Variants in DDR2 observed in about 807,000 individuals in gnomAD.
The protein encoded by DDR2 is discoidin domain receptor tyrosine kinase 2, also known as discoidin domain-containing receptor 2.
DDR2 carries 27 observed loss-of-function variants against 94.9 expected under a neutral mutation model. The observed-to-expected ratio is 0.28, with a 90% CI of 0.21 to 0.39. DDR2 has a LOEUF of 0.39. Ranked by LOEUF, DDR2 falls within the 10% of genes least tolerant of loss-of-function variation. The pLI is 1.00. For missense variants in DDR2, 783 were observed against 1,076.0 expected, an observed-to-expected ratio of 0.73 and a Z score of 3.81; for synonymous variants, 382 against 377.2, an observed-to-expected ratio of 1.01 and a Z score of -0.15.
At chr1:162,647,613 T>C (rs1207221960) in intron 1 of DDR2, among the ~76,000 whole-genome samples, 1 of 152,176 alleles carries the variant, frequency 6.6e-6, no homozygotes. Flanking sequence ...AATTCGTGAG[T>C]TTTCTGGAAA....
At position 162,702,223 on chromosome 1, in the gene DDR2, G is replaced by A. The variant is rs150903771; in HGVS notation, c.-27-16814G>A. Among the ~76,000 whole-genome samples, 1,300 of 151,964 alleles carry A rather than the reference G, an allele frequency of 8.6e-3. 16 individuals are homozygous for A. The highest frequency in any genetic ancestry group is 0.029 in the African/African-American group (1,189 of 41,442). The stretch of plus-strand genomic sequence containing the variant: ...TGAATCATATTTTTCATCTTTGTTC[G>A]TTGCAATTATTGTCACTCTGTCTTC... On this transcript the variant is annotated intron_variant, in intron 2 of 17. Transcript: ENST00000367921.
Position 162,767,271 on chromosome 1 carries a change from T to C in DDR2, c.1205T>C (p.Ile402Thr), listed in dbSNP as rs753126978. 3.7e-6 allele frequency: 6 copies of C among 1,614,164 alleles called. No homozygotes were observed. Among genetic ancestry groups the C allele is most frequent in the African/African-American group, 2.7e-5 (2 of 75,034 alleles). The change falls in exon 11 of 18, where the codon ATT becomes ACT. Residue 402 changes from isoleucine (I) to threonine (T), a missense_variant. This residue lies in a region of DDR2 where 519 missense variants were observed against 647.9 expected (regional missense o/e 0.80). Transcript: ENST00000367921. The part of the protein sequence containing the change: ...KVDDSNTRIL[I>T]GCLVAIIFIL... ...GATGACAGCAACACTCGGATCCTGA[T>C]TGGCTGCTTGGTGGCCATCATCTTT...
intron 1 of DDR2, among the ~76,000 whole-genome samples, chr1:162,640,525 A>C (rs930017073): frequency 2.6e-5 from 4 of 152,210 alleles, no homozygotes; most frequent in African/African-American, 9.7e-5. Context: ...TGCTTTAAAA[A>C]GAATTAAAGT....
At chr1:162,716,235 T>C (rs1345889927) in intron 2 of DDR2, among the ~76,000 whole-genome samples, 2 of 152,132 alleles carry the variant, frequency 1.3e-5, no homozygotes, top group Admixed American at 6.6e-5. Flanking sequence ...TTACGGCCAG[T>C]AACCCATGAG....
At chr1:162,755,109 G>T in intron 5 of DDR2, 47 bp from the exon 6 acceptor site, 1 of 1,613,126 alleles carries the variant, frequency 6.2e-7, no homozygotes, top group African/African-American at 1.3e-5. Context: ...AGAAAAGTGA[G>T]CATGATTTAA....
At chr1:162,700,006 TAAGCATCTGCAACTCTGTTTTCAAACA>T (rs1660360167) in intron 2 of DDR2, among the ~76,000 whole-genome samples, 1 of 152,212 alleles carries the variant, frequency 6.6e-6, no homozygotes, top group South Asian at 2.1e-4. Flanking sequence ...ACTATAATCA[TAAGCATCTGCAACTCTGTTTTCAAACA>T]AAGCATCTGC....
At chr1:162,731,053 T>G (rs555177780) in intron 3 of DDR2, among the ~76,000 whole-genome samples, 1 of 152,334 alleles carries the variant, frequency 6.6e-6, no homozygotes, top group South Asian at 2.1e-4. Context: ...TGCATTCTCA[T>G]TGCCTCAGAA....
chr1:162,673,600 TGTGTGTGTGAGAGAGAGAGAGA>T (rs1558018933), intron 2 of DDR2, among the ~76,000 whole-genome samples: 28 of 131,810 alleles, frequency 2.1e-4, no homozygotes, highest in African/African-American at 4.5e-4. Flanking sequence ...TGTGTATGTG[TGTGTGTGTGAGAGAGAGAGAGA>T]GAGAGAGAGA....
intron 3 of DDR2, among the ~76,000 whole-genome samples, chr1:162,731,364 A>G (rs1662038632): frequency 6.6e-6 from 1 of 151,866 alleles, no homozygotes; most frequent in Admixed American, 6.6e-5. Flanking sequence ...AATTGTTCCT[A>G]TTTTCTTTTT....
chr1:162,778,881 C>A, intron 17 of DDR2, 152 bp downstream of exon 17: 2 of 1,063,198 alleles, frequency 1.9e-6, no homozygotes, highest in Non-Finnish European at 2.8e-6. Context: ...TGTGAAAGAC[C>A]AGTATCCTCC....
At chr1:162,711,389 C>T (rs758776251) in intron 2 of DDR2, among the ~76,000 whole-genome samples, 1 of 152,138 alleles carries the variant, frequency 6.6e-6, no homozygotes, top group Non-Finnish European at 1.5e-5. Flanking sequence ...GCATTGAATC[C>T]TTTTGCGAAG....
chr1:162,750,817 A>G (rs908427478), intron 3 of DDR2, among the ~76,000 whole-genome samples: 1 of 152,212 alleles, frequency 6.6e-6, no homozygotes, highest in African/African-American at 2.4e-5. Flanking sequence ...AATGGAACAG[A>G]ACACAGCCCT....
At chr1:162,688,409 G>A (rs911278395) in intron 2 of DDR2, among the ~76,000 whole-genome samples, 8 of 152,256 alleles carry the variant, frequency 5.3e-5, no homozygotes, top group African/African-American at 1.9e-4. Flanking sequence ...ACTTGTTGTC[G>A]AAATAATGGT....
chr1:162,772,203 C>A lies in DDR2; in HGVS notation c.1684C>A (p.Leu562Ile). Residue 562 changes from leucine (L) to isoleucine (I), a missense_variant, in exon 13 of 18, where the codon CTC becomes ATC. Leu to Ile is a conservative substitution (Grantham distance 5). Around this residue, in one of 2 missense-constraint regions of DDR2, gnomAD observed 264 missense variants for 428.2 expected, o/e 0.62. Transcript: ENST00000367921. ...GGCTGTGGAGGAGTTCCCCAGGAAACTCCTAACTTTCAAAGAGAAGCTGGG... is the reference window on the plus strand; with the variant it reads ...GGCTGTGGAGGAGTTCCCCAGGAAAATCCTAACTTTCAAAGAGAAGCTGGG... ...DVAVEEFPRK[L>I]LTFKEKLGEG... The A allele has an allele frequency of 6.2e-7, 1 of 1,614,238 alleles. No individual in the cohort carries two copies. The highest frequency in any genetic ancestry group is 1.1e-5 in the South Asian group (1 of 91,084).
intron 3 of DDR2, among the ~76,000 whole-genome samples, chr1:162,745,338 A>G (rs1160648539): frequency 2.0e-5 from 3 of 152,050 alleles, no homozygotes; most frequent in East Asian, 3.9e-4. Context: ...GTTGTTGTTC[A>G]ATTGTAGTTC....
chr1:162,683,262 C>G (rs888927576), intron 2 of DDR2, among the ~76,000 whole-genome samples: 1 of 152,030 alleles, frequency 6.6e-6, no homozygotes, highest in African/African-American at 2.4e-5. Flanking sequence ...CTCCCTAAGA[C>G]AGGGATCAAG....
intron 2 of DDR2, among the ~76,000 whole-genome samples, chr1:162,690,503 G>T (rs1343769007): frequency 6.6e-6 from 1 of 152,098 alleles, no homozygotes; most frequent in African/African-American, 2.4e-5. Flanking sequence ...GCTAGGCATT[G>T]TTAGTACTAG....
chr1:162,717,981 A>C (rs1257050412), intron 2 of DDR2, among the ~76,000 whole-genome samples: 1 of 152,188 alleles, frequency 6.6e-6, no homozygotes, highest in South Asian at 2.1e-4. Context: ...TCATTTTCTT[A>C]AGAGCAGATT....
upstream of DDR2, among the ~76,000 whole-genome samples, chr1:162,631,182 TTG>T (rs58010976): frequency 0.24 from 33,535 of 139,610 alleles, 3,769 homozygotes; most frequent in Middle Eastern, 0.29. Flanking sequence ...GCCACCCTCA[TTG>T]TGTGTGTGTG....
Sources: gnomAD v4.1 joint callset for allele counts (sites outside exome capture counted in the v4.1 genomes callset) on GRCh38, gnomAD v4.1.1 for gene constraint, gnomAD v4.1.1 regional missense constraint, MANE v1.5 for transcripts, NCBI Gene and HGNC (gene_info 2026-07-23, HGNC 2026-07-21) for gene names.